Variants in CDH13 observed in about 807,000 individuals in gnomAD.
The protein encoded by CDH13 is cadherin 13.
In CDH13, 24 loss-of-function variants were observed where a neutral mutation model predicts 63.8. The ratio of observed to expected loss-of-function variants is 0.38; its 90% confidence interval spans 0.27 to 0.53. The LOEUF (loss-of-function observed/expected upper bound fraction) is 0.53, where lower values mean the gene tolerates loss of function less well. Among genes scored for constraint, CDH13 ranks in the 20% least tolerant of loss-of-function variants. CDH13 has a pLI of 0.85. For synonymous variants in CDH13, 503 were observed against 355.3 expected (o/e 1.42, Z -4.67); for missense variants, 1,049 against 903.1 (o/e 1.16, Z -2.07).
intron 1 of CDH13, among the ~76,000 whole-genome samples, chr16:82,771,597 TC>T (rs1334962347): frequency 6.6e-6 from 1 of 152,214 alleles, no homozygotes; most frequent in Non-Finnish European, 1.5e-5. Flanking sequence ...TCAGTAACTT[TC>T]CCCAGTCCAC....
rs371789458 is a variant in CDH13, at chr16:83,296,628, T to TAC, written c.637-48220_637-48219dup. ...TTTCAGTTAATTAGTACAACACAAG[T>TAC]ACACACACACACACATAAGTGGATC... is the stretch of plus-strand genomic sequence containing the variant. On this transcript the variant is annotated intron_variant, in intron 5 of 13. Coordinates refer to ENST00000567109, the MANE Select transcript of CDH13 (RefSeq NM_001257.5). Among the ~76,000 whole-genome samples, 320 of 151,584 alleles carry TAC rather than the reference T, an allele frequency of 2.1e-3. 1 individual carries two copies. The highest frequency in any genetic ancestry group is 3.2e-3 in the Non-Finnish European group (215 of 67,812).
intron 8 of CDH13, among the ~76,000 whole-genome samples, chr16:83,627,219 G>A (rs545936398): frequency 2.6e-5 from 4 of 152,196 alleles, no homozygotes; most frequent in South Asian, 4.2e-4. Flanking sequence ...GAACCCAGGA[G>A]GCAGAGGTTG....
chr16:83,386,405 G>A lies in CDH13; in HGVS notation c.781+41399G>A, dbSNP rs979083250. On this transcript the variant is annotated intron_variant, in intron 6 of 13. Transcript: ENST00000567109. ...TCACTGACCCAGCTTTCTTCCCATG[G>A]CTCAAGCTGAGACTTGATAGTAAAA... 5.3e-5 allele frequency among the ~76,000 whole-genome samples: 8 copies of A among 152,144 alleles called. No individual in the cohort carries two copies. In the South Asian group the frequency reaches 1.7e-3, roughly 32 times the overall value.
chr16:83,625,281 C>G (rs6563953), intron 8 of CDH13, among the ~76,000 whole-genome samples: 22,135 of 152,000 alleles, frequency 0.15, 1,832 homozygotes, highest in African/African-American at 0.23. Flanking sequence ...GTTATCTTTG[C>G]AGATCCGTGG....
chr16:82,728,557 A>C (rs1180027835), intron 1 of CDH13, among the ~76,000 whole-genome samples: 1 of 152,180 alleles, frequency 6.6e-6, no homozygotes, highest in Non-Finnish European at 1.5e-5. Flanking sequence ...ATTTAAAAAT[A>C]CTTTATTGCT....
At chr16:82,784,827 C>G (rs993564505) in intron 1 of CDH13, among the ~76,000 whole-genome samples, 1 of 152,110 alleles carries the variant, frequency 6.6e-6, no homozygotes, top group African/African-American at 2.4e-5. Context: ...GAAGTGGGAC[C>G]AGCAGCTGAA....
intron 1 of CDH13, among the ~76,000 whole-genome samples, chr16:82,808,069 G>A (rs2037243902): frequency 6.6e-6 from 1 of 152,166 alleles, no homozygotes; most frequent in Non-Finnish European, 1.5e-5. Flanking sequence ...GTAGTCAGAA[G>A]TCCCAGGGTC....
intron 6 of CDH13, among the ~76,000 whole-genome samples, chr16:83,365,263 G>A (rs905856099): frequency 6.6e-6 from 1 of 152,170 alleles, no homozygotes; most frequent in African/African-American, 2.4e-5. Flanking sequence ...AAGTCCGAAG[G>A]CTGGAGTGGA....
At position 82,847,616 on chromosome 16, in the gene CDH13, C is replaced by G. The variant is rs184427600; in HGVS notation, c.46-10746C>G. 4.6e-5 allele frequency among the ~76,000 whole-genome samples: 7 copies of G among 152,316 alleles called. No individual in the cohort carries two copies. The East Asian group carries it at 7.7e-4, about 17-fold the overall frequency. ...CATGCTGTTTTAATGTTAGCTGATT[C>G]CCAACCTTAATTACCCTTTGCCATG... On this transcript the variant is annotated intron_variant, in intron 1 of 13. Coordinates refer to ENST00000567109, the MANE Select transcript of CDH13 (RefSeq NM_001257.5).
intron 10 of CDH13, among the ~76,000 whole-genome samples, chr16:83,684,958 A>C (rs951406477): frequency 3.7e-4 from 57 of 152,178 alleles, no homozygotes; most frequent in South Asian, 1.0e-3. Flanking sequence ...ACACGGCCCC[A>C]CACAGGGTTC....
chr16:83,453,694 G>C (rs1396864088), intron 6 of CDH13, among the ~76,000 whole-genome samples: 1 of 152,056 alleles, frequency 6.6e-6, no homozygotes, highest in Non-Finnish European at 1.5e-5. Context: ...GGCTGTATGT[G>C]GGCAATGTTC....
At chr16:83,433,044 C>G (rs932276311) in intron 6 of CDH13, among the ~76,000 whole-genome samples, 2 of 152,138 alleles carry the variant, frequency 1.3e-5, no homozygotes, top group African/African-American at 4.8e-5. Context: ...TTTCCAGCTC[C>G]CTTGGCTCTC....
intron 7 of CDH13, among the ~76,000 whole-genome samples, chr16:83,514,815 C>G (rs879723297): frequency 2.0e-5 from 3 of 152,106 alleles, no homozygotes; most frequent in Non-Finnish European, 4.4e-5. Flanking sequence ...AACAGATGTT[C>G]CCTCAGAACT....
chr16:83,542,054 C>A (rs983660453), intron 7 of CDH13, among the ~76,000 whole-genome samples: 3 of 152,168 alleles, frequency 2.0e-5, no homozygotes, highest in African/African-American at 7.2e-5. Context: ...AGGCCATGGG[C>A]CACCATGGCA....
At chr16:82,945,090 G>A (rs1410562635) in intron 2 of CDH13, among the ~76,000 whole-genome samples, 2 of 152,116 alleles carry the variant, frequency 1.3e-5, no homozygotes, top group Non-Finnish European at 2.9e-5. Flanking sequence ...TGTTATCCAT[G>A]AGGAGAAAAC....
At chr16:83,339,512 C>G (rs2090675244) in intron 5 of CDH13, among the ~76,000 whole-genome samples, 1 of 152,090 alleles carries the variant, frequency 6.6e-6, no homozygotes, top group Non-Finnish European at 1.5e-5. Flanking sequence ...TTTAGTTAAT[C>G]TGCACCAAGA....
intron 2 of CDH13, among the ~76,000 whole-genome samples, chr16:83,021,719 C>G (rs1915365487): frequency 6.6e-6 from 1 of 152,174 alleles, no homozygotes; most frequent in African/African-American, 2.4e-5. Flanking sequence ...CTGCACTTAC[C>G]AAATTCTATA....
At chr16:83,201,375 A>G (rs779050529) in intron 4 of CDH13, among the ~76,000 whole-genome samples, 2 of 151,572 alleles carry the variant, frequency 1.3e-5, no homozygotes, top group Non-Finnish European at 2.9e-5. Flanking sequence ...TAAGACAAGG[A>G]TGATGCTGGA....
Position 83,379,938 on chromosome 16 carries a change from T to TATATATATATAGAGAGAGAGAGAGAG in CDH13, c.781+34933_781+34934insTATATATATAGAGAGAGAGAGAGAGA. On this transcript the variant is annotated intron_variant, in intron 6 of 13. Coordinates refer to ENST00000567109, the MANE Select transcript of CDH13 (RefSeq NM_001257.5). ...GTGTGTGTATATATATATATATATATAGAGAGAGAGAGAGAGAGAGAGAGA... is the reference window on the plus strand; with the variant it reads ...GTGTGTGTATATATATATATATATATATATATATATAGAGAGAGAGAGAGAGAGAGAGAGAGAGAGAGAGAGAGAGA... 1.8e-3 allele frequency among the ~76,000 whole-genome samples: 218 copies of TATATATATATAGAGAGAGAGAGAGAG among 123,408 alleles called. 1 individual carries two copies. Among genetic ancestry groups the TATATATATATAGAGAGAGAGAGAGAG allele is most frequent in the South Asian group, 9.2e-3 (33 of 3,602 alleles). The allele number at this position is 123,408 out of a possible 152,430, so 81.0% of individuals were successfully genotyped here. A position where few individuals can be genotyped will look rare whatever the true frequency, so the allele number is the denominator to read the frequency against.
Sources: gnomAD v4.1 joint callset for allele counts (sites outside exome capture counted in the v4.1 genomes callset) on GRCh38, gnomAD v4.1.1 for gene constraint, MANE v1.5 for transcripts, NCBI Gene and HGNC (gene_info 2026-07-23, HGNC 2026-07-21) for gene names.